DDX52: variants seen among roughly 807,000 people sequenced by gnomAD.
DDX52 encodes the protein probable ATP-dependent RNA helicase DDX52.
A neutral mutation model predicts 76.1 loss-of-function variants in DDX52; 59 were observed. That is an observed-to-expected ratio of 0.78 (90% CI 0.63 to 0.96). The LOEUF is 0.96. Ranked by LOEUF, DDX52 falls within the 40% of genes least tolerant of loss-of-function variation. DDX52 has a pLI of 0.00. For synonymous variants in DDX52, 231 were observed against 244.1 expected (o/e 0.95, Z 0.50); for missense variants, 707 against 703.9 (o/e 1.00, Z -0.05).
chr17:37,630,292 T>C, intron 4 of DDX52, 119 bp from the exon 5 acceptor site: 1 of 1,111,362 alleles, frequency 9.0e-7, no homozygotes, highest in Non-Finnish European at 1.2e-6. Flanking sequence ...ATGAATCTAA[T>C]CTTTCAAGTC....
intron 12 of DDX52, chr17:37,620,616 C>A (rs2030031711): frequency 5.8e-6 from 2 of 345,558 alleles, no homozygotes; most frequent in Non-Finnish European, 5.2e-6. Flanking sequence ...TAACATCAAC[C>A]ATTGAAAGAG....
chr17:37,614,562 C>CA (rs1372009234), intron 14 of DDX52, among the ~76,000 whole-genome samples: 1 of 152,196 alleles, frequency 6.6e-6, no homozygotes, highest in African/African-American at 2.4e-5. Context: ...CAGTAAACTA[C>CA]ATTACTACAT....
chr17:37,620,389 T>C (rs1488523666), intron 12 of DDX52: 1 of 162,670 alleles, frequency 6.1e-6, no homozygotes, highest in African/African-American at 2.4e-5. Context: ...CACACGCACA[T>C]TTGAATCTGC....
At chr17:37,642,596 C>A in intron 1 of DDX52, 1 of 353,506 alleles carries the variant, frequency 2.8e-6, no homozygotes, top group South Asian at 5.0e-5. Context: ...AGGTAAATAG[C>A]AGTATTACGA....
rs536084629 is a variant in DDX52, at chr17:37,634,239, G to A, written c.287-821C>T. Among the ~76,000 whole-genome samples, 70 of 151,398 alleles carry A rather than the reference G, an allele frequency of 4.6e-4. 1 individual carries two copies. In the Middle Eastern group the frequency reaches 0.02, roughly 44 times the overall value. On this transcript the variant is annotated intron_variant, in intron 2 of 14. Transcript: ENST00000617633. The stretch of plus-strand genomic sequence containing the variant: ...GCTGGGATTACAGGCGTGAGCCACC[G>A]TGCCCAGCCAAATGAGAAATTTCAA...
chr17:37,619,663 G>T, intron 13 of DDX52, 105 bp downstream of exon 13: 1 of 977,042 alleles, frequency 1.0e-6, no homozygotes, highest in Non-Finnish European at 1.5e-6. Context: ...AGTGAGCTGT[G>T]ATCATGCCAC....
At chr17:37,618,767 G>A (rs1365878458) in intron 13 of DDX52, among the ~76,000 whole-genome samples, 1 of 152,162 alleles carries the variant, frequency 6.6e-6, no homozygotes, top group Non-Finnish European at 1.5e-5. Flanking sequence ...TTACAGGCGT[G>A]AGCTACCACG....
Position 37,611,965 on chromosome 17 carries a change from A to AC in DDX52, c.*2330_*2331insG, listed in dbSNP as rs2064371703. 1.3e-5 allele frequency: 2 copies of AC among 149,144 alleles called. No individual in the cohort carries two copies. The highest frequency in any genetic ancestry group is 1.3e-4 in the Admixed American group (2 of 14,940). The allele number at this position is 149,144 out of a possible 1,614,324, so 9.2% of individuals were successfully genotyped here. ...AACAGACCCTGTTTCTCAAAAAAAA[A>AC]AAAAAAAACAAAACAAAAAAACTCA... On this transcript the variant is annotated 3_prime_UTR_variant, in exon 15 of 15. Coordinates refer to ENST00000617633, the MANE Select transcript of DDX52 (RefSeq NM_007010.5).
chr17:37,638,416 C>T (rs1278753899), intron 2 of DDX52, among the ~76,000 whole-genome samples: 4 of 152,038 alleles, frequency 2.6e-5, no homozygotes, highest in African/African-American at 7.3e-5. Context: ...ACATATAAGG[C>T]CATAGTATTT....
At chr17:37,642,012 A>T in intron 2 of DDX52, 98 bp downstream of exon 2, 1 of 1,481,168 alleles carries the variant, frequency 6.8e-7, no homozygotes. Flanking sequence ...ATCAGCTGAC[A>T]AATGACCTTA....
chr17:37,639,243 T>TA (rs1159979056), intron 2 of DDX52, among the ~76,000 whole-genome samples: 4 of 152,148 alleles, frequency 2.6e-5, no homozygotes, highest in African/African-American at 9.7e-5. Flanking sequence ...CGTAATATGA[T>TA]AAGGGAACAA....
chr17:37,628,731 CT>C, intron 5 of DDX52, 59 bp from the exon 6 acceptor site: 1 of 1,186,384 alleles, frequency 8.4e-7, no homozygotes, highest in Non-Finnish European at 1.2e-6. Context: ...GATGTATACT[CT>C]TTTACATGAT....
At chr17:37,642,371 A>C (rs1048636460) in intron 1 of DDX52, 63 bp from the exon 2 acceptor site, 4 of 1,521,036 alleles carry the variant, frequency 2.6e-6, no homozygotes, top group South Asian at 1.2e-5. Context: ...CATTCAAGCA[A>C]GACTGTTCAA....
intron 5 of DDX52, 27 bp downstream of exon 5, chr17:37,630,003 A>G: frequency 6.3e-7 from 1 of 1,584,720 alleles, no homozygotes; most frequent in Non-Finnish European, 8.5e-7. Flanking sequence ...AACCAATCGC[A>G]TACTCTTCAA....
chr17:37,627,650 T>TAAACA (rs2030454979), intron 6 of DDX52, among the ~76,000 whole-genome samples: 1 of 143,640 alleles, frequency 7.0e-6, no homozygotes, highest in African/African-American at 2.6e-5. Context: ...GCCCAAGATT[T>TAAACA]AAACAAAACA....
intron 14 of DDX52, among the ~76,000 whole-genome samples, chr17:37,616,948 C>T (rs1275998448): frequency 2.0e-5 from 3 of 152,184 alleles, no homozygotes; most frequent in Admixed American, 1.3e-4. Flanking sequence ...ATCTTGTTCC[C>T]TTCTCCATGC....
In DDX52 at chr17:37,619,833, A is replaced by G. The variant is rs774718178; in HGVS notation, c.1584T>C (p.Ala528=). 1.2e-6 allele frequency: 2 copies of G among 1,612,484 alleles called. No individual in the cohort carries two copies. Among genetic ancestry groups the G allele is most frequent in the South Asian group, 1.1e-5 (1 of 90,886 alleles). The change falls in exon 13 of 15, where the codon GCT becomes GCC. Residue 528 remains alanine (A), a synonymous_variant. Coordinates refer to ENST00000617633, the MANE Select transcript of DDX52 (RefSeq NM_007010.5). ...GACACCCAGCCTGCTGTATAACATT[A>G]GCAACGCTGAAAAAGAAACCCATAA... is the stretch of plus-strand genomic sequence containing the variant. ...EDDKPLLRSV[A]NVIQQAGCPV...
At chr17:37,642,511 T>C (rs2031252640) in intron 1 of DDX52, among the ~76,000 whole-genome samples, 1 of 152,220 alleles carries the variant, frequency 6.6e-6, no homozygotes, top group African/African-American at 2.4e-5. Context: ...TGAACACATA[T>C]ATGCTTACTA....
Position 37,643,398 on chromosome 17 carries a change from C to A in DDX52, c.23G>T (p.Arg8Leu). The change falls in exon 1 of 15, where the codon CGC (arginine) becomes CTC (leucine). Residue 8 changes from arginine (R) to leucine (L), a missense_variant. Transcript: ENST00000617633. MDVHDLF[R>L]RLGAGAKFDT... ...GAATTTGGCCCCCGCGCCGAGCCGGCGAAAGAGATCGTGGACGTCCATCTT... is the reference window on the plus strand; with the variant it reads ...GAATTTGGCCCCCGCGCCGAGCCGGAGAAAGAGATCGTGGACGTCCATCTT... The A allele has an allele frequency of 6.2e-7, 1 of 1,613,954 alleles. No homozygotes were observed. Among genetic ancestry groups the A allele is most frequent in the Non-Finnish European group, 8.5e-7 (1 of 1,179,886 alleles).
Sources: gnomAD v4.1 joint callset for allele counts (sites outside exome capture counted in the v4.1 genomes callset) on GRCh38, gnomAD v4.1.1 for gene constraint, MANE v1.5 for transcripts, NCBI Gene and HGNC (gene_info 2026-07-23, HGNC 2026-07-21) for gene names.